Variants in GANC observed in about 807,000 individuals in gnomAD.
GANC encodes glucosidase alpha, neutral C, also known as neutral alpha-glucosidase C.
A neutral mutation model predicts 124.2 loss-of-function variants in GANC; 117 were observed. That is an observed-to-expected ratio of 0.94 (90% CI 0.81 to 1.10). The LOEUF (loss-of-function observed/expected upper bound fraction) is 1.10, where lower values mean the gene tolerates loss of function less well. Among genes scored for constraint, GANC ranks in the 50% least tolerant of loss-of-function variants. GANC has a pLI of 0.00. For synonymous variants in GANC, 377 were observed against 376.8 expected, an observed-to-expected ratio of 1.00 and a Z score of -0.01; for missense variants, 1,140 against 1,095.0, an observed-to-expected ratio of 1.04 and a Z score of -0.58.
rs2051879631 is a variant in GANC, at chr15:42,295,266, G to GC, written c.513-2341dup. On this transcript the variant is annotated intron_variant, in intron 5 of 23. Transcript: ENST00000318010. ...TGCGATTGCAGGCATGAGCGACCAC[G>GC]CCCCGCCTGTAGTTTTCATAGGTAT... Among the ~76,000 whole-genome samples, 3 of 151,944 alleles carry GC rather than the reference G, an allele frequency of 2.0e-5. No homozygotes were observed. In the South Asian group the frequency reaches 6.2e-4, roughly 32 times the overall value.
chr15:42,275,290 C>G (rs563476586), intron 1 of GANC, among the ~76,000 whole-genome samples: 14 of 152,120 alleles, frequency 9.2e-5, no homozygotes, highest in Non-Finnish European at 1.8e-4. Flanking sequence ...AGGAAGATAG[C>G]CTGAGCCCAG....
At chr15:42,318,867 T>G (rs1308746817) in intron 10 of GANC, among the ~76,000 whole-genome samples, 1 of 152,214 alleles carries the variant, frequency 6.6e-6, no homozygotes, top group Non-Finnish European at 1.5e-5. Context: ...TTACAGGGAT[T>G]ACAGGTGTGA....
chr15:42,317,854 G>A (rs1320751117), intron 10 of GANC, among the ~76,000 whole-genome samples: 1 of 152,124 alleles, frequency 6.6e-6, no homozygotes, highest in Non-Finnish European at 1.5e-5. Flanking sequence ...GAGAATGCTG[G>A]TTTATGATAA....
chr15:42,342,584 G>A (rs2052335547), intron 18 of GANC, among the ~76,000 whole-genome samples: 1 of 149,966 alleles, frequency 6.7e-6, no homozygotes, highest in Non-Finnish European at 1.5e-5. Context: ...CCTGTCTCCT[G>A]TCTCTAAGGA....
chr15:42,328,506 C>CAAA (rs530447078), intron 13 of GANC, among the ~76,000 whole-genome samples: 1,056 of 104,040 alleles, frequency 0.01, 12 homozygotes, highest in African/African-American at 0.035. Context: ...AATAAAGATT[C>CAAA]AAAAAAAAAA....
At chr15:42,298,569 A>G (rs1056493428) in intron 6 of GANC, among the ~76,000 whole-genome samples, 1 of 152,172 alleles carries the variant, frequency 6.6e-6, no homozygotes, top group Non-Finnish European at 1.5e-5. Context: ...TCTTATTTCT[A>G]TTTTTAAAAG....
rs1327661236 is a variant in GANC, at chr15:42,274,518, C to A, written c.29+8C>A. The A allele has an allele frequency of 6.2e-7, 1 of 1,607,220 alleles. No individual in the cohort carries two copies. Among genetic ancestry groups the A allele is most frequent in the South Asian group, 1.1e-5 (1 of 89,188 alleles). ...AGTGAAAGAGGAAATAAGGTAAAGG[C>A]CAAGTGCTTCTGTAGCGAGTGACCC... On this transcript the variant is annotated splice_region_variant and intron_variant, in intron 1 of 23. Coordinates refer to ENST00000318010, the MANE Select transcript of GANC (RefSeq NM_198141.3).
intron 4 of GANC, among the ~76,000 whole-genome samples, chr15:42,290,744 G>T (rs538783780): frequency 1.3e-5 from 2 of 152,280 alleles, no homozygotes; most frequent in African/African-American, 2.4e-5. Context: ...GTGGTTTAAG[G>T]CTGCAGTGAA....
intron 7 of GANC, among the ~76,000 whole-genome samples, chr15:42,308,012 C>G (rs1465603260): frequency 6.6e-6 from 1 of 152,190 alleles, no homozygotes; most frequent in Non-Finnish European, 1.5e-5. Context: ...TAATACATGA[C>G]CAGAACTTTG....
At chr15:42,278,016 G>A (rs1197096969) in intron 2 of GANC, 1 of 386,080 alleles carries the variant, frequency 2.6e-6, no homozygotes, top group South Asian at 1.9e-5. Context: ...TTCCCTCTCT[G>A]TTTAATAGGA....
At position 42,327,097 on chromosome 15, in the gene GANC, T is replaced by G. The variant is rs192830605; in HGVS notation, c.1421-266T>G. Among the ~76,000 whole-genome samples, 412 of 152,304 alleles carry G rather than the reference T, an allele frequency of 2.7e-3. 1 individual carries two copies. Among genetic ancestry groups the G allele is most frequent in the Non-Finnish European group, 4.5e-3 (305 of 68,024 alleles). On this transcript the variant is annotated intron_variant, in intron 12 of 23. Coordinates refer to ENST00000318010, the MANE Select transcript of GANC (RefSeq NM_198141.3). ...TTTGCCATCCTTCCTTGGGCTATAT[T>G]AGGCCATCAGTGAGGGACAGGCTCT...
chr15:42,352,418 C>G lies in GANC; in HGVS notation c.*279C>G, dbSNP rs1479048489. On this transcript the variant is annotated 3_prime_UTR_variant, in exon 24 of 24. Coordinates refer to ENST00000318010, the MANE Select transcript of GANC (RefSeq NM_198141.3). ...TATAGCGTTCAGGAGTCTTCTATTG[C>G]TTCCATTCCTTCAGCAGGGCTGCGT... is the stretch of plus-strand genomic sequence containing the variant. 2.6e-6 allele frequency: 3 copies of G among 1,149,318 alleles called. No homozygotes were observed. The African/African-American group carries it at 4.8e-5, about 18-fold the overall frequency. The allele number at this position is 1,149,318 out of a possible 1,614,324, so 71.2% of individuals were successfully genotyped here.
Position 42,345,350 on chromosome 15 carries a change from T to A in GANC, c.2230-408T>A, listed in dbSNP as rs551211423. Among the ~76,000 whole-genome samples the A allele has an allele frequency of 7.9e-5, 12 of 152,242 alleles. No individual in the cohort carries two copies. The East Asian group carries it at 2.3e-3, about 29-fold the overall frequency. ...GCCTGCAATGTGCTTGTCTTCTTTG[T>A]TGTTTTTTTTTCTTTTCTCCATCAC... is the stretch of plus-strand genomic sequence containing the variant. On this transcript the variant is annotated intron_variant, in intron 19 of 23. Transcript: ENST00000318010.
intron 10 of GANC, among the ~76,000 whole-genome samples, chr15:42,312,130 A>G (rs1307803413): frequency 1.3e-5 from 2 of 152,238 alleles, no homozygotes; most frequent in African/African-American, 4.8e-5. Flanking sequence ...TGCAATCCCT[A>G]TCAAAATTCC....
chr15:42,340,566 G>A (rs916722071), intron 17 of GANC, 124 bp from the exon 18 acceptor site: 21 of 697,654 alleles, frequency 3.0e-5, no homozygotes, highest in Middle Eastern at 8.8e-4. Flanking sequence ...ATAGCACCAC[G>A]GCATTCCAGC....
At chr15:42,283,515 C>A in intron 3 of GANC, 1 of 629,904 alleles carries the variant, frequency 1.6e-6, no homozygotes, top group South Asian at 1.9e-5. Flanking sequence ...GCATTGCTAG[C>A]AAGGATGTCT....
Position 42,327,355 on chromosome 15 carries a change from C to T in GANC, c.1421-8C>T, listed in dbSNP as rs1328297031. 2 of 1,608,420 alleles carry T rather than the reference C, an allele frequency of 1.2e-6. No homozygotes were observed. Among genetic ancestry groups the T allele is most frequent in the Admixed American group, 1.7e-5 (1 of 59,660 alleles). On this transcript the variant is annotated splice_polypyrimidine_tract_variant and splice_region_variant and intron_variant, in intron 12 of 23. Transcript: ENST00000318010. ...CTTGACAGGCTATCTACTGTTCTGC[C>T]TCCACAGGTCTCTCCTCTTACCTGG...
intron 6 of GANC, among the ~76,000 whole-genome samples, chr15:42,300,165 G>A (rs2051931916): frequency 6.6e-6 from 1 of 152,154 alleles, no homozygotes; most frequent in Admixed American, 6.5e-5. Context: ...ACGATCATCA[G>A]AGTAAACAGG....
At position 42,340,767 on chromosome 15, in the gene GANC, G is replaced by GTT. The variant is rs372974307; in HGVS notation, c.2152+29_2152+30dup. On this transcript the variant is annotated intron_variant, in intron 18 of 23. Coordinates refer to ENST00000318010, the MANE Select transcript of GANC (RefSeq NM_198141.3). Reference sequence around the variant, plus strand: ...GAATACATGCTGGGTGAGCATTTCTGTTTTTTTTTTTTTTTTTGAGACGGA... The same window carrying GTT: ...GAATACATGCTGGGTGAGCATTTCTGTTTTTTTTTTTTTTTTTTTGAGACGGA... 33,413 of 1,331,830 alleles carry GTT rather than the reference G, an allele frequency of 0.025. No homozygotes were observed. Among genetic ancestry groups the GTT allele is most frequent in the South Asian group, 0.032 (2,298 of 72,602 alleles). 82.5% of individuals were successfully genotyped at this position (1,331,830 alleles called of 1,614,324 possible).
Sources: allele counts gnomAD v4.1 joint callset (sites outside exome capture counted in the v4.1 genomes callset), GRCh38; gene constraint gnomAD v4.1.1; transcripts MANE v1.5; gene names NCBI Gene and HGNC (gene_info 2026-07-23, HGNC 2026-07-21).